Variants in VEPH1 observed in about 807,000 individuals in gnomAD.
VEPH1 encodes ventricular zone expressed PH domain containing 1, also known as ventricular zone-expressed PH domain-containing protein homolog 1.
In VEPH1, 80 loss-of-function variants were observed where a neutral mutation model predicts 85.2. That is an observed-to-expected ratio of 0.94 (90% CI 0.78 to 1.13). The LOEUF (loss-of-function observed/expected upper bound fraction) is 1.13. Ranked by LOEUF, VEPH1 falls within the 50% of genes most tolerant of loss-of-function variation. The pLI is 0.00. For synonymous variants in VEPH1, 297 were observed against 348.0 expected, an observed-to-expected ratio of 0.85 and a Z score of 1.63; for missense variants, 955 against 980.5, an observed-to-expected ratio of 0.97 and a Z score of 0.35.
At chr3:157,281,096 G>A (rs1186244032) in intron 12 of VEPH1, among the ~76,000 whole-genome samples, 6 of 146,378 alleles carry the variant, frequency 4.1e-5, no homozygotes, top group Admixed American at 2.7e-4. Context: ...GCGTGTGTGT[G>A]TGTGTGAGAG....
rs560443284 is a variant in VEPH1, at chr3:157,337,656, G to A, written c.1736-20455C>T. Among the ~76,000 whole-genome samples, 170 of 151,818 alleles carry A rather than the reference G, an allele frequency of 1.1e-3. 1 individual carries two copies. The highest frequency in any genetic ancestry group is 2.1e-3 in the Non-Finnish European group (143 of 67,930). On this transcript the variant is annotated intron_variant, in intron 9 of 13. Coordinates refer to ENST00000362010, the MANE Select transcript of VEPH1 (RefSeq NM_001167912.2). ...CAGGGAACATTATACTTTTATAATCGGGGAAAAATACCTTCACTAGAATTT... is the reference window on the plus strand; with the variant it reads ...CAGGGAACATTATACTTTTATAATCAGGGAAAAATACCTTCACTAGAATTT...
At chr3:157,486,742 G>A (rs1202298916) in intron 2 of VEPH1, among the ~76,000 whole-genome samples, 1 of 152,094 alleles carries the variant, frequency 6.6e-6, no homozygotes, top group South Asian at 2.1e-4. Context: ...TGCTACATAA[G>A]TATTAGCTAT....
intron 1 of VEPH1, chr3:157,499,399 G>C (rs1386635313): frequency 6.6e-6 from 1 of 152,034 alleles, no homozygotes; most frequent in African/African-American, 2.4e-5. Context: ...CTTTACCTGC[G>C]TGCTACTCCT....
chr3:157,479,143 G>A (rs1480338999), intron 2 of VEPH1, among the ~76,000 whole-genome samples: 2 of 152,138 alleles, frequency 1.3e-5, no homozygotes, highest in South Asian at 2.1e-4. Flanking sequence ...AAAATATCAT[G>A]TTCTTTTGAA....
At chr3:157,266,317 T>C (rs1206947455) in intron 12 of VEPH1, among the ~76,000 whole-genome samples, 1 of 151,968 alleles carries the variant, frequency 6.6e-6, no homozygotes, top group African/African-American at 2.4e-5. Flanking sequence ...TTCCCCTCTC[T>C]GTATTCCCAT....
At chr3:157,276,292 C>T (rs558804762) in intron 12 of VEPH1, among the ~76,000 whole-genome samples, 14 of 152,174 alleles carry the variant, frequency 9.2e-5, no homozygotes, top group Non-Finnish European at 1.5e-4. Flanking sequence ...TTCAGAAATA[C>T]GGTGTTGTAA....
intron 11 of VEPH1, among the ~76,000 whole-genome samples, chr3:157,297,001 C>A (rs529601342): frequency 6.6e-6 from 1 of 152,258 alleles, no homozygotes; most frequent in African/African-American, 2.4e-5. Context: ...AGCACAGTGG[C>A]TTGCACCTGT....
At chr3:157,455,252 A>G (rs1013189121) in intron 4 of VEPH1, among the ~76,000 whole-genome samples, 2 of 152,160 alleles carry the variant, frequency 1.3e-5, no homozygotes, top group African/African-American at 2.4e-5. Flanking sequence ...CCTTGCCAAC[A>G]TCTATTGTTT....
intron 2 of VEPH1, chr3:157,489,148 G>T (rs758581544): frequency 2.2e-6 from 1 of 456,256 alleles, no homozygotes; most frequent in South Asian, 1.5e-5. Flanking sequence ...TTTCACTCTT[G>T]CCTTTCCACA....
chr3:157,444,169 A>T (rs73873689), intron 4 of VEPH1, among the ~76,000 whole-genome samples: 1 of 152,184 alleles, frequency 6.6e-6, no homozygotes, highest in African/African-American at 2.4e-5. Context: ...GAAGGGCCTC[A>T]CAAAGCTGAT....
intron 9 of VEPH1, among the ~76,000 whole-genome samples, chr3:157,332,083 G>A (rs1415718213): frequency 6.6e-6 from 1 of 152,192 alleles, no homozygotes; most frequent in Non-Finnish European, 1.5e-5. Flanking sequence ...GGTGCTTGCG[G>A]CTACTGCTGG....
chr3:157,292,497 G>C (rs1375800495), intron 11 of VEPH1, among the ~76,000 whole-genome samples: 1 of 151,868 alleles, frequency 6.6e-6, no homozygotes, highest in Non-Finnish European at 1.5e-5. Context: ...TTGGAGACCA[G>C]CCTGGCCAGC....
At chr3:157,494,930 C>A (rs1047278832) in intron 2 of VEPH1, among the ~76,000 whole-genome samples, 1 of 152,102 alleles carries the variant, frequency 6.6e-6, no homozygotes, top group Non-Finnish European at 1.5e-5. Context: ...ATAAAAATAG[C>A]CCCTAAATAA....
At position 157,442,480 on chromosome 3, in the gene VEPH1, C is replaced by G. The variant is rs1734203852; in HGVS notation, c.530-13992G>C. The G allele has an allele frequency of 5.6e-6, 9 of 1,614,178 alleles. No individual in the cohort carries two copies. Among genetic ancestry groups the G allele is most frequent in the Non-Finnish European group, 7.6e-6 (9 of 1,180,032 alleles). On this transcript the variant is annotated intron_variant, in intron 4 of 13. Coordinates refer to ENST00000362010, the MANE Select transcript of VEPH1 (RefSeq NM_001167912.2). Reference sequence around the variant, plus strand: ...AGTGCCTGCATTTGGGTCAAAGCCACAGATGTATTAAACAAAACCATCCTG... The same window carrying G: ...AGTGCCTGCATTTGGGTCAAAGCCAGAGATGTATTAAACAAAACCATCCTG...
chr3:157,427,074 G>A (rs899119094), intron 5 of VEPH1, among the ~76,000 whole-genome samples: 1 of 151,462 alleles, frequency 6.6e-6, no homozygotes, highest in South Asian at 2.1e-4. Context: ...TGCAACCTTC[G>A]TCTCCCAAGT....
At chr3:157,452,994 C>A (rs1735098000) in intron 4 of VEPH1, among the ~76,000 whole-genome samples, 1 of 152,100 alleles carries the variant, frequency 6.6e-6, no homozygotes, top group African/African-American at 2.4e-5. Flanking sequence ...TAAGCCTGAC[C>A]AACTGAAGTA....
intron 7 of VEPH1, among the ~76,000 whole-genome samples, chr3:157,364,825 G>A (rs545204171): frequency 1.6e-4 from 24 of 152,242 alleles, no homozygotes; most frequent in African/African-American, 5.8e-4. Flanking sequence ...TCAAATGTAT[G>A]TCTTTCACAT....
intron 2 of VEPH1, among the ~76,000 whole-genome samples, chr3:157,471,390 G>A (rs1057300016): frequency 1.3e-5 from 2 of 152,156 alleles, no homozygotes; most frequent in Non-Finnish European, 2.9e-5. Context: ...GCCTCCAGAA[G>A]TGAAAATTTC....
chr3:157,290,862 G>A (rs970729278), intron 11 of VEPH1, among the ~76,000 whole-genome samples: 31 of 152,184 alleles, frequency 2.0e-4, no homozygotes, highest in Non-Finnish European at 4.6e-4. Flanking sequence ...TCTATAATAA[G>A]TCTAAGCCAG....
Sources: allele counts gnomAD v4.1 joint callset (sites outside exome capture counted in the v4.1 genomes callset), GRCh38; gene constraint gnomAD v4.1.1; transcripts MANE v1.5; gene names NCBI Gene and HGNC (gene_info 2026-07-23, HGNC 2026-07-21).